Variants in MRPL42 observed in about 807,000 individuals in gnomAD.
MRPL42 encodes the protein large ribosomal subunit protein mL42.
MRPL42 carries 17 observed loss-of-function variants against 17.9 expected under a neutral mutation model. That is an observed-to-expected ratio of 0.95 (90% CI 0.65 to 1.42). MRPL42 has a LOEUF of 1.42. MRPL42 is among the 40% of genes most tolerant of loss of function. The pLI is 0.00. For missense variants in MRPL42, 177 were observed against 175.2 expected, an observed-to-expected ratio of 1.01 and a Z score of -0.06; for synonymous variants, 59 against 54.4, an observed-to-expected ratio of 1.08 and a Z score of -0.37.
intron 4 of MRPL42, among the ~76,000 whole-genome samples, chr12:93,485,990 A>T (rs1467194577): frequency 6.8e-6 from 1 of 147,102 alleles, no homozygotes; most frequent in Admixed American, 6.7e-5. Context: ...TTTGTTTTTA[A>T]ATTTTTTGTA....
rs1279079851 is a variant in MRPL42 at position 93,513,758 on chromosome 12, A to T, written c.*12537A>T. On this transcript the variant is annotated 3_prime_UTR_variant, in exon 6 of 6. Coordinates refer to ENST00000549982, the MANE Select transcript of MRPL42 (RefSeq NM_014050.4). ...TAATTAAAAATTGGGGCTTTTAAAA[A>T]ATGTTTTTCATTCTACTAATTTCAT... The T allele has an allele frequency of 6.6e-6, 1 of 152,204 alleles. No homozygotes were observed. Among genetic ancestry groups the T allele is most frequent in the Non-Finnish European group, 1.5e-5 (1 of 68,044 alleles). 9.4% of individuals were successfully genotyped at this position (152,204 alleles called of 1,614,324 possible).
At chr12:93,489,557 A>G (rs553648594) in intron 5 of MRPL42, among the ~76,000 whole-genome samples, 2 of 151,740 alleles carry the variant, frequency 1.3e-5, no homozygotes, top group Non-Finnish European at 2.9e-5. Flanking sequence ...TTATTGAGAC[A>G]TAGTCTTGCT....
chr12:93,482,148 C>G (rs1880495776), intron 4 of MRPL42, among the ~76,000 whole-genome samples: 2 of 152,176 alleles, frequency 1.3e-5, no homozygotes, highest in South Asian at 4.1e-4. Context: ...ATTAGGTGAG[C>G]TCTCCACTCA....
intron 3 of MRPL42, among the ~76,000 whole-genome samples, chr12:93,477,672 C>T (rs769436401): frequency 1.7e-4 from 26 of 152,066 alleles, no homozygotes; most frequent in African/African-American, 6.3e-4. Context: ...TCTTGGCTCA[C>T]TGCAACCTGA....
rs1953611100 is a variant in MRPL42, at chr12:93,502,570, G to A, written c.*1349G>A. ...ATTAATAATGGTGACCCTCTGTTAA[G>A]TGGTTTACTTTTTCCATTAATATAA... On this transcript the variant is annotated 3_prime_UTR_variant, in exon 6 of 6. Transcript: ENST00000549982. The A allele has an allele frequency of 6.6e-6, 1 of 152,100 alleles. No homozygotes were observed. Among genetic ancestry groups the A allele is most frequent in the African/African-American group, 2.4e-5 (1 of 41,394 alleles). The allele number at this position is 152,100 out of a possible 1,614,324, so 9.4% of individuals were successfully genotyped here. A position where few individuals can be genotyped will look rare whatever the true frequency, so the allele number is the denominator to read the frequency against.
intron 2 of MRPL42, among the ~76,000 whole-genome samples, chr12:93,475,528 T>C (rs1481260109): frequency 6.6e-6 from 1 of 152,174 alleles, no homozygotes; most frequent in Non-Finnish European, 1.5e-5. Context: ...TACAGTTCTA[T>C]ATCACAGGAA....
intron 4 of MRPL42, among the ~76,000 whole-genome samples, chr12:93,482,708 C>G (rs1826583486): frequency 6.6e-6 from 1 of 152,144 alleles, no homozygotes. Flanking sequence ...ACTTTAGCCT[C>G]ATGAGTAGCT....
chr12:93,486,799 G>T (rs967378243), intron 4 of MRPL42, among the ~76,000 whole-genome samples: 1 of 151,750 alleles, frequency 6.6e-6, no homozygotes, highest in Admixed American at 6.6e-5. Flanking sequence ...CAGAAAATAA[G>T]AACATTAAAT....
chr12:93,499,618 CAG>C (rs1342712906), intron 5 of MRPL42, among the ~76,000 whole-genome samples: 1 of 151,854 alleles, frequency 6.6e-6, no homozygotes, highest in Non-Finnish European at 1.5e-5. Context: ...TAGAAAAAAA[CAG>C]AATTTTCTGT....
chr12:93,491,560 T>A (rs1207483082), intron 5 of MRPL42, among the ~76,000 whole-genome samples: 1 of 152,230 alleles, frequency 6.6e-6, no homozygotes, highest in Non-Finnish European at 1.5e-5. Flanking sequence ...TATATATGTA[T>A]GTATGTATTT....
At chr12:93,474,783 T>C (rs748678476) in intron 2 of MRPL42, among the ~76,000 whole-genome samples, 25 of 151,986 alleles carry the variant, frequency 1.6e-4, no homozygotes, top group Non-Finnish European at 3.1e-4. Flanking sequence ...AAGGTCCCAG[T>C]GATGTCAAAC....
rs1953667135 is a variant in MRPL42 at position 93,506,202 on chromosome 12, A to G, written c.*4981A>G. On this transcript the variant is annotated 3_prime_UTR_variant, in exon 6 of 6. Transcript: ENST00000549982. ...CTTGGCCCCCCAAAATACTGGGATTACAAGGGTGAGCCACTGTGCCCAGCC... is the reference window on the plus strand; with the variant it reads ...CTTGGCCCCCCAAAATACTGGGATTGCAAGGGTGAGCCACTGTGCCCAGCC... The G allele has an allele frequency of 2.0e-5, 3 of 150,368 alleles. No individual in the cohort carries two copies. Among genetic ancestry groups the G allele is most frequent in the Admixed American group, 2.0e-4 (3 of 15,100 alleles). The allele number at this position is 150,368 out of a possible 1,614,324, so 9.3% of individuals were successfully genotyped here.
chr12:93,509,083 G>T lies in MRPL42; in HGVS notation c.*7862G>T, dbSNP rs1953699856. The T allele has an allele frequency of 1.3e-5, 2 of 151,870 alleles. No homozygotes were observed. Among genetic ancestry groups the T allele is most frequent in the Admixed American group, 1.3e-4 (2 of 15,226 alleles). 9.4% of individuals were successfully genotyped at this position (151,870 alleles called of 1,614,324 possible). ...GGCATCTGTAATCCTAGCTACTCAG[G>T]AGGCTGAGGCAGGAGAATCCCTTGA... On this transcript the variant is annotated 3_prime_UTR_variant, in exon 6 of 6. Coordinates refer to ENST00000549982, the MANE Select transcript of MRPL42 (RefSeq NM_014050.4).
intron 4 of MRPL42, among the ~76,000 whole-genome samples, chr12:93,481,059 G>A (rs912673457): frequency 1.3e-5 from 2 of 151,984 alleles, no homozygotes; most frequent in African/African-American, 2.4e-5. Context: ...AAATATCTTC[G>A]GTTTATTTGC....
intron 4 of MRPL42, among the ~76,000 whole-genome samples, chr12:93,483,051 C>T (rs939676539): frequency 2.0e-5 from 3 of 152,112 alleles, no homozygotes; most frequent in Admixed American, 6.5e-5. Context: ...CTCGTGACCA[C>T]GCCTGGCTAA....
chr12:93,482,896 CT>C (rs11347110), intron 4 of MRPL42, among the ~76,000 whole-genome samples: 95,789 of 145,836 alleles, frequency 0.66, 31,382 homozygotes, highest in Middle Eastern at 0.72. Context: ...CAATCTGGTT[CT>C]TTTTTTTTTT....
In MRPL42 at chr12:93,469,233, T is replaced by C; in HGVS notation, c.-53T>C. The C allele has an allele frequency of 6.9e-7, 1 of 1,440,336 alleles. No homozygotes were observed. The highest frequency in any genetic ancestry group is 1.2e-5 in the South Asian group (1 of 80,794). The allele number at this position is 1,440,336 out of a possible 1,614,324, so 89.2% of individuals were successfully genotyped here. A position where few individuals can be genotyped will look rare whatever the true frequency, so the allele number is the denominator to read the frequency against. On this transcript the variant is annotated 5_prime_UTR_variant, in exon 2 of 6. Transcript: ENST00000549982. ...GCTTAGAAGCAGATTCTAAAAGCAG[T>C]TTCTCTTCAGAACATCTTTTTTCAT... is the stretch of plus-strand genomic sequence containing the variant.
In MRPL42 at chr12:93,483,263, C is replaced by G. The variant is rs114204566; in HGVS notation, c.219+3791C>G. Among the ~76,000 whole-genome samples, 567 of 152,286 alleles carry G rather than the reference C, an allele frequency of 3.7e-3. 5 individuals carry two copies. The highest frequency in any genetic ancestry group is 0.012 in the African/African-American group (505 of 41,572). On this transcript the variant is annotated intron_variant, in intron 4 of 5. Transcript: ENST00000549982. ...CTACTTTTCACTGATATCTTTGTTA[C>G]TTTGCATTTCTGTAGTACAGTCATG...
At chr12:93,480,734 G>T (rs962924400) in intron 4 of MRPL42, among the ~76,000 whole-genome samples, 5 of 150,456 alleles carry the variant, frequency 3.3e-5, no homozygotes, top group African/African-American at 4.9e-5. Context: ...TAGAGACAGG[G>T]TTTCACCATG....
Sources: allele counts gnomAD v4.1 joint callset (sites outside exome capture counted in the v4.1 genomes callset), GRCh38; gene constraint gnomAD v4.1.1; transcripts MANE v1.5; gene names NCBI Gene and HGNC (gene_info 2026-07-23, HGNC 2026-07-21).